PPP1R12B: variants seen among roughly 807,000 people sequenced by gnomAD.
The protein encoded by PPP1R12B is myosin phosphatase target subunit 2.
Under a neutral mutation model 126.1 loss-of-function variants are expected in PPP1R12B, and 76 were observed. That is an observed-to-expected ratio of 0.60 (90% CI 0.50 to 0.73). PPP1R12B has a LOEUF of 0.73. Among genes scored for constraint, PPP1R12B ranks in the 30% least tolerant of loss-of-function variants. The pLI, the probability that PPP1R12B is intolerant of heterozygous loss-of-function variation, is 0.00. For synonymous variants in PPP1R12B, 356 were observed against 434.7 expected (o/e 0.82, Z 2.25); for missense variants, 1,052 against 1,205.1 (o/e 0.87, Z 1.88).
chr1:202,475,929 G>A (rs754971104), intron 13 of PPP1R12B, among the ~76,000 whole-genome samples: 1 of 152,138 alleles, frequency 6.6e-6, no homozygotes, highest in African/African-American at 2.4e-5. Context: ...ACTGGGCATC[G>A]TGGCTCATGC....
chr1:202,533,955 T>A (rs1321992661), intron 18 of PPP1R12B, among the ~76,000 whole-genome samples: 3 of 152,234 alleles, frequency 2.0e-5, no homozygotes, highest in Non-Finnish European at 4.4e-5. Flanking sequence ...CATCCATTAA[T>A]ACTTCTTTCT....
At chr1:202,529,316 A>G (rs1572401806) in intron 18 of PPP1R12B, among the ~76,000 whole-genome samples, 1 of 152,228 alleles carries the variant, frequency 6.6e-6, no homozygotes, top group East Asian at 1.9e-4. Flanking sequence ...AAAAAAAAAA[A>G]AAAAGAAGTT....
At chr1:202,463,139 T>C in intron 13 of PPP1R12B, 3 of 899,928 alleles carry the variant, frequency 3.3e-6, no homozygotes, top group Non-Finnish European at 4.0e-6. Flanking sequence ...CCTAGATGCA[T>C]GTTTCTTTGG....
intron 13 of PPP1R12B, among the ~76,000 whole-genome samples, chr1:202,453,994 G>C (rs1673320195): frequency 1.3e-5 from 2 of 152,020 alleles, no homozygotes; most frequent in Admixed American, 1.3e-4. Context: ...GTTTCACCTA[G>C]AAACTAAATG....
intron 18 of PPP1R12B, among the ~76,000 whole-genome samples, chr1:202,498,917 T>A (rs1430244334): frequency 6.6e-6 from 1 of 152,206 alleles, no homozygotes; most frequent in East Asian, 1.9e-4. Flanking sequence ...CATGCTGGCT[T>A]CCTTCTCTTA....
intron 18 of PPP1R12B, among the ~76,000 whole-genome samples, chr1:202,552,425 G>C (rs2148988589): frequency 1.3e-5 from 2 of 152,280 alleles, no homozygotes; most frequent in Middle Eastern, 6.8e-3. Context: ...ACTTATATAT[G>C]AAACCAGAAT....
intron 18 of PPP1R12B, among the ~76,000 whole-genome samples, chr1:202,520,062 A>G (rs1488532706): frequency 6.6e-6 from 1 of 152,120 alleles, no homozygotes; most frequent in Admixed American, 6.5e-5. Flanking sequence ...GAAACACATT[A>G]TTTTCTTCTT....
At chr1:202,574,581 C>T (rs894531041) in intron 23 of PPP1R12B, among the ~76,000 whole-genome samples, 6 of 152,150 alleles carry the variant, frequency 3.9e-5, no homozygotes, top group Admixed American at 6.5e-5. Flanking sequence ...GGGGCAGCAG[C>T]TAGATTTAAG....
At chr1:202,571,746 GCGTCTGGCCAGGA>G (rs1372557454) in intron 23 of PPP1R12B, among the ~76,000 whole-genome samples, 28 of 152,296 alleles carry the variant, frequency 1.8e-4, no homozygotes, top group Admixed American at 1.7e-3. Flanking sequence ...GTGAGCCATC[GCGTCTGGCCAGGA>G]CTGATTTTTT....
chr1:202,398,351 A>C (rs929386155), intron 1 of PPP1R12B, among the ~76,000 whole-genome samples: 1 of 152,212 alleles, frequency 6.6e-6, no homozygotes, highest in Non-Finnish European at 1.5e-5. Flanking sequence ...TAACTTAGAA[A>C]ACTTAGAAAA....
At chr1:202,415,306 T>A (rs1053585076) in intron 1 of PPP1R12B, among the ~76,000 whole-genome samples, 5 of 152,228 alleles carry the variant, frequency 3.3e-5, no homozygotes, top group Non-Finnish European at 5.9e-5. Flanking sequence ...TGCTTCATGT[T>A]AAGGCACCAG....
At chr1:202,368,189 T>C (rs1229292759) in intron 1 of PPP1R12B, among the ~76,000 whole-genome samples, 1 of 152,128 alleles carries the variant, frequency 6.6e-6, no homozygotes, top group Non-Finnish European at 1.5e-5. Context: ...CAGGCTGATG[T>C]TGAACTCCTG....
At position 202,501,883 on chromosome 1, in the gene PPP1R12B, G is replaced by A; in HGVS notation, c.2490+5061G>A. On this transcript the variant is annotated intron_variant, in intron 18 of 23. Transcript: ENST00000608999. Reference sequence around the variant, plus strand: ...GCAGGTTACATGTTCGAATTGACTTGCTAGTAGCATCTCACCTCCTTGAGT... The same window carrying A: ...GCAGGTTACATGTTCGAATTGACTTACTAGTAGCATCTCACCTCCTTGAGT... The A allele has an allele frequency of 3.0e-6, 3 of 985,042 alleles. No individual in the cohort carries two copies. The African/African-American group carries it at 5.2e-5, about 17-fold the overall frequency. The allele number at this position is 985,042 out of a possible 1,614,324, so 61.0% of individuals were successfully genotyped here. A position where few individuals can be genotyped will look rare whatever the true frequency, so the allele number is the denominator to read the frequency against.
chr1:202,420,373 G>A (rs1668592216), intron 2 of PPP1R12B, among the ~76,000 whole-genome samples: 3 of 152,190 alleles, frequency 2.0e-5, no homozygotes, highest in South Asian at 4.1e-4. Context: ...GAAGGCAAAA[G>A]CATTTTAAAT....
intron 13 of PPP1R12B, among the ~76,000 whole-genome samples, chr1:202,480,777 A>G (rs1677245626): frequency 2.0e-5 from 3 of 152,226 alleles, no homozygotes; most frequent in African/African-American, 7.2e-5. Context: ...ATGCACCAAT[A>G]TTTTACAAAT....
At chr1:202,356,936 C>T (rs1657215940) in intron 1 of PPP1R12B, among the ~76,000 whole-genome samples, 1 of 151,998 alleles carries the variant, frequency 6.6e-6, no homozygotes, top group Non-Finnish European at 1.5e-5. Flanking sequence ...ATTCTCCTGC[C>T]TCAGCCTCCT....
At chr1:202,482,479 G>C (rs1355409240) in intron 13 of PPP1R12B, among the ~76,000 whole-genome samples, 1 of 152,130 alleles carries the variant, frequency 6.6e-6, no homozygotes, top group African/African-American at 2.4e-5. Flanking sequence ...TCATTTCCCT[G>C]ATGGTTTGTG....
chr1:202,394,417 CTT>C (rs1487730281), intron 1 of PPP1R12B, among the ~76,000 whole-genome samples: 2 of 151,846 alleles, frequency 1.3e-5, no homozygotes, highest in East Asian at 3.9e-4. Context: ...TTTTTTTTCT[CTT>C]AACAATAAAA....
At chr1:202,550,650 G>A (rs1003570100) in intron 18 of PPP1R12B, among the ~76,000 whole-genome samples, 14 of 152,162 alleles carry the variant, frequency 9.2e-5, no homozygotes, top group Admixed American at 8.5e-4. Flanking sequence ...AAGCTATGGG[G>A]AAAGTAAATA....
Sources: gnomAD v4.1 joint callset for allele counts (sites outside exome capture counted in the v4.1 genomes callset) on GRCh38, gnomAD v4.1.1 for gene constraint, MANE v1.5 for transcripts, NCBI Gene and HGNC (gene_info 2026-07-23, HGNC 2026-07-21) for gene names.